The following TRIQK variants were observed in gnomAD, a reference collection of about 807,000 sequenced individuals.
TRIQK encodes triple QxxK/R motif-containing protein.
Under a neutral mutation model 10.8 loss-of-function variants are expected in TRIQK, and 10 were observed. That is an observed-to-expected ratio of 0.92 (90% CI 0.57 to 1.57). The LOEUF is 1.57. TRIQK is among the 40% of genes most tolerant of loss of function. The probability of loss-of-function intolerance (pLI) is 0.00; values close to 1 mark genes in which losing one functional copy is unlikely to be tolerated. For synonymous variants in TRIQK, 33 were observed against 33.7 expected (o/e 0.98, Z 0.07); for missense variants, 107 against 97.7 (o/e 1.09, Z -0.40).
At chr8:92,973,210 G>A (rs1469983455) in intron 1 of TRIQK, 2 of 152,100 alleles carry the variant, frequency 1.3e-5, no homozygotes, top group Non-Finnish European at 2.9e-5. Flanking sequence ...AGTTTCTACT[G>A]GTTCAGTAAC....
At chr8:92,995,580 A>G (rs1336103656) in intron 1 of TRIQK, among the ~76,000 whole-genome samples, 1 of 151,216 alleles carries the variant, frequency 6.6e-6, no homozygotes, top group East Asian at 1.9e-4. Context: ...TCTGTGTTTG[A>G]AGTAGTTTTA....
chr8:92,981,128 T>A (rs1041445120), intron 1 of TRIQK, among the ~76,000 whole-genome samples: 2 of 151,880 alleles, frequency 1.3e-5, no homozygotes, highest in African/African-American at 4.8e-5. Flanking sequence ...TCTTCTTTAC[T>A]TGATAGTTTT....
chr8:92,911,931 C>T (rs1366008229), intron 3 of TRIQK, among the ~76,000 whole-genome samples: 1 of 147,030 alleles, frequency 6.8e-6, no homozygotes, highest in Non-Finnish European at 1.5e-5. Flanking sequence ...ATGCACCCAA[C>T]ATCAAAGAAT....
At chr8:92,886,766 T>G (rs1816506362) in intron 4 of TRIQK, 31 bp from the exon 5 acceptor site, 1 of 1,247,952 alleles carries the variant, frequency 8.0e-7, no homozygotes, top group Non-Finnish European at 1.1e-6. Flanking sequence ...GACTTGAAAT[T>G]GATGAAAAAA....
intron 2 of TRIQK, among the ~76,000 whole-genome samples, chr8:92,932,952 CGT>C (rs1335969127): frequency 1.3e-5 from 2 of 151,986 alleles, no homozygotes; most frequent in Non-Finnish European, 2.9e-5. Flanking sequence ...TACGGTTTAG[CGT>C]GTGTTTTCCC....
Position 92,907,144 on chromosome 8 carries a change from T to C in TRIQK, c.61+9785A>G, listed in dbSNP as rs549841450. On this transcript the variant is annotated intron_variant, in intron 3 of 4. Coordinates refer to ENST00000521988, the MANE Select transcript of TRIQK (RefSeq NM_001171797.2). Reference sequence around the variant, plus strand: ...TGTAGGGATTGACATAAGTTGAAGTTTTGACACTGAAGGACTTTCTCTTTC... The same window carrying C: ...TGTAGGGATTGACATAAGTTGAAGTCTTGACACTGAAGGACTTTCTCTTTC... 2.6e-5 allele frequency among the ~76,000 whole-genome samples: 4 copies of C among 152,324 alleles called. No homozygotes were observed. The East Asian group carries it at 7.7e-4, about 29-fold the overall frequency.
intron 1 of TRIQK, among the ~76,000 whole-genome samples, chr8:92,963,140 TAAAG>T (rs920605518): frequency 6.6e-5 from 10 of 152,304 alleles, no homozygotes; most frequent in South Asian, 2.1e-4. Flanking sequence ...CAGAGTTGAA[TAAAG>T]AAAGAGTCAA....
intron 1 of TRIQK, among the ~76,000 whole-genome samples, chr8:92,962,999 G>A (rs577924373): frequency 8.2e-4 from 125 of 152,226 alleles, no homozygotes; most frequent in African/African-American, 2.9e-3. Context: ...TATGGCAGGC[G>A]CCACATGTCT....
intron 2 of TRIQK, among the ~76,000 whole-genome samples, chr8:92,951,839 G>A (rs572863611): frequency 2.0e-5 from 3 of 152,172 alleles, no homozygotes; most frequent in South Asian, 4.1e-4. Flanking sequence ...CCATGTGGAG[G>A]AAGAGAAATA....
chr8:93,013,500 T>C (rs550582844), intron 1 of TRIQK, among the ~76,000 whole-genome samples: 1 of 152,170 alleles, frequency 6.6e-6, no homozygotes, highest in South Asian at 2.1e-4. Flanking sequence ...AGGGATCAAG[T>C]TGAATGAAAA....
At chr8:92,945,186 T>C (rs1275796185) in intron 2 of TRIQK, among the ~76,000 whole-genome samples, 1 of 152,168 alleles carries the variant, frequency 6.6e-6, no homozygotes, top group Non-Finnish European at 1.5e-5. Context: ...TTTCAGTCAC[T>C]TGCCCAATGG....
chr8:92,962,081 G>C (rs1358513914), intron 1 of TRIQK, among the ~76,000 whole-genome samples: 1 of 152,076 alleles, frequency 6.6e-6, no homozygotes, highest in African/African-American at 2.4e-5. Flanking sequence ...CAAAGATGCT[G>C]AACATTTCTA....
intron 1 of TRIQK, among the ~76,000 whole-genome samples, chr8:93,005,633 A>T (rs1428993081): frequency 1.3e-5 from 2 of 152,198 alleles, no homozygotes; most frequent in Non-Finnish European, 2.9e-5. Context: ...TCTCTCAACA[A>T]ATTAGGTATA....
Position 92,886,402 on chromosome 8 carries a change from C to T in TRIQK, c.*220G>A, listed in dbSNP as rs1563605898. On this transcript the variant is annotated 3_prime_UTR_variant, in exon 5 of 5. Transcript: ENST00000521988. ...ACCATGTATAGGGTGGCTGTCAAAG[C>T]AGAAAGATATATAAAAGTATCCAGT... 3.3e-6 allele frequency: 1 copy of T among 302,872 alleles called. No individual in the cohort carries two copies. The allele number at this position is 302,872 out of a possible 1,614,324, so 18.8% of individuals were successfully genotyped here. A position where few individuals can be genotyped will look rare whatever the true frequency, so the allele number is the denominator to read the frequency against.
intron 3 of TRIQK, among the ~76,000 whole-genome samples, chr8:92,907,216 C>G (rs1338069833): frequency 2.0e-5 from 3 of 152,122 alleles, no homozygotes; most frequent in Non-Finnish European, 4.4e-5. Context: ...ATGGCTATTT[C>G]CATCTGTGGC....
At chr8:92,903,561 T>G (rs1017492990) in intron 3 of TRIQK, among the ~76,000 whole-genome samples, 1 of 152,098 alleles carries the variant, frequency 6.6e-6, no homozygotes, top group Non-Finnish European at 1.5e-5. Flanking sequence ...ACATTTTATA[T>G]TAATAATAAA....
intron 3 of TRIQK, among the ~76,000 whole-genome samples, chr8:92,903,505 G>A (rs1809070078): frequency 6.6e-6 from 1 of 152,196 alleles, no homozygotes; most frequent in East Asian, 1.9e-4. Flanking sequence ...AATAAAATGT[G>A]AAAGGTACAT....
At chr8:92,956,416 G>A (rs749402867) in intron 1 of TRIQK, among the ~76,000 whole-genome samples, 5 of 151,482 alleles carry the variant, frequency 3.3e-5, no homozygotes, top group Admixed American at 1.3e-4. Context: ...TGACATAATG[G>A]GTACAGAATT....
intron 1 of TRIQK, among the ~76,000 whole-genome samples, chr8:93,004,885 C>T (rs1160241942): frequency 6.6e-6 from 1 of 152,224 alleles, no homozygotes; most frequent in African/African-American, 2.4e-5. Context: ...CCAGCTCAGC[C>T]TGAACTTCAC....
Sources: gnomAD v4.1 joint callset for allele counts (sites outside exome capture counted in the v4.1 genomes callset) on GRCh38, gnomAD v4.1.1 for gene constraint, MANE v1.5 for transcripts, NCBI Gene and HGNC (gene_info 2026-07-23, HGNC 2026-07-21) for gene names.